The following CSMD1 variants were observed in gnomAD, a reference collection of about 807,000 sequenced individuals.
CSMD1 encodes the protein CUB and Sushi multiple domains 1, also known as CUB and sushi domain-containing protein 1.
In CSMD1, 213 loss-of-function variants were observed where a neutral mutation model predicts 417.5. The observed-to-expected ratio is 0.51, with a 90% CI of 0.46 to 0.57. The LOEUF (loss-of-function observed/expected upper bound fraction) is 0.57, where lower values mean the gene tolerates loss of function less well. CSMD1 is among the 20% of genes least tolerant of loss of function. The probability of loss-of-function intolerance (pLI) is 0.00; values close to 1 mark genes in which losing one functional copy is unlikely to be tolerated. For synonymous variants in CSMD1, 2,862 were observed against 1,736.8 expected (o/e 1.65, Z -16.11); for missense variants, 6,923 against 4,529.7 (o/e 1.53, Z -15.17).
At chr8:4,719,755 AC>A (rs767492975) in intron 1 of CSMD1, among the ~76,000 whole-genome samples, 54 of 152,196 alleles carry the variant, frequency 3.5e-4, no homozygotes, top group Non-Finnish European at 6.9e-4. Context: ...ATATGCACTT[AC>A]GATTTTCAAA....
intron 2 of CSMD1, among the ~76,000 whole-genome samples, chr8:4,461,177 CA>C (rs1395040992): frequency 7.5e-6 from 1 of 133,344 alleles, no homozygotes; most frequent in Admixed American, 7.6e-5. Flanking sequence ...TAAAAAGTGA[CA>C]AAATTCAACA....
chr8:3,798,331 T>C (rs1800273122), intron 5 of CSMD1, among the ~76,000 whole-genome samples: 1 of 152,044 alleles, frequency 6.6e-6, no homozygotes, highest in Non-Finnish European at 1.5e-5. Flanking sequence ...GACAACTCAG[T>C]ATATCTGATG....
At chr8:3,995,786 C>T (rs532494408) in intron 5 of CSMD1, among the ~76,000 whole-genome samples, 4 of 152,142 alleles carry the variant, frequency 2.6e-5, no homozygotes, top group Admixed American at 6.5e-5. Context: ...CAACTCTATC[C>T]CCGGCTAATC....
intron 3 of CSMD1, among the ~76,000 whole-genome samples, chr8:4,118,526 C>T (rs7838857): frequency 0.99 from 150,642 of 152,274 alleles, 74,539 homozygotes; most frequent in East Asian, 1. Flanking sequence ...GAAATGCAAA[C>T]CAAACCAAAA....
intron 3 of CSMD1, among the ~76,000 whole-genome samples, chr8:4,179,778 G>A (rs554824890): frequency 6.6e-6 from 1 of 152,026 alleles, no homozygotes; most frequent in East Asian, 1.9e-4. Context: ...AATATGAACA[G>A]ACACTTCTCA....
At chr8:4,698,698 G>C (rs1472705800) in intron 1 of CSMD1, among the ~76,000 whole-genome samples, 1 of 150,980 alleles carries the variant, frequency 6.6e-6, no homozygotes, top group East Asian at 2.0e-4. Context: ...CCTCTGTACG[G>C]GGGAGCATTT....
chr8:4,363,918 G>A (rs962608673), intron 3 of CSMD1, among the ~76,000 whole-genome samples: 5 of 152,184 alleles, frequency 3.3e-5, no homozygotes, highest in African/African-American at 4.8e-5. Flanking sequence ...TGTAGGGCAG[G>A]GGGGAGATGA....
chr8:3,194,696 C>T (rs935805832), intron 33 of CSMD1, among the ~76,000 whole-genome samples: 2 of 151,690 alleles, frequency 1.3e-5, no homozygotes, highest in East Asian at 1.9e-4. Context: ...TCTCAAACTC[C>T]TGAGCTCAGA....
intron 3 of CSMD1, among the ~76,000 whole-genome samples, chr8:4,242,503 A>G (rs1190863920): frequency 1.3e-5 from 2 of 152,244 alleles, no homozygotes; most frequent in African/African-American, 4.8e-5. Context: ...CAATTTTCAT[A>G]TTTATTAAGT....
chr8:4,156,551 C>G (rs1031632397), intron 3 of CSMD1, among the ~76,000 whole-genome samples: 3 of 151,980 alleles, frequency 2.0e-5, no homozygotes, highest in Non-Finnish European at 4.4e-5. Context: ...AATTCAAATT[C>G]TAAAAGATCA....
chr8:4,835,161 G>A (rs781495660), intron 1 of CSMD1, among the ~76,000 whole-genome samples: 1 of 151,918 alleles, frequency 6.6e-6, no homozygotes, highest in Non-Finnish European at 1.5e-5. Flanking sequence ...ATGGACCCGA[G>A]AAGGTTGGAA....
intron 3 of CSMD1, among the ~76,000 whole-genome samples, chr8:4,104,269 A>C (rs1261242833): frequency 6.6e-6 from 1 of 152,230 alleles, no homozygotes. Flanking sequence ...ATCTCACTCC[A>C]TCTTTTCTTT....
chr8:3,369,205 C>G (rs1326410615), intron 19 of CSMD1, 49 bp downstream of exon 19: 1 of 896,104 alleles, frequency 1.1e-6, no homozygotes, highest in Admixed American at 2.1e-5. Flanking sequence ...TCCCGTTTTT[C>G]TGTCTCATTT....
chr8:3,982,660 A>T (rs1813971803), intron 5 of CSMD1, among the ~76,000 whole-genome samples: 1 of 151,972 alleles, frequency 6.6e-6, no homozygotes, highest in Non-Finnish European at 1.5e-5. Flanking sequence ...AAGATAGGGC[A>T]GATCTGAGAC....
chr8:3,487,436 C>T (rs1451009492), intron 11 of CSMD1, among the ~76,000 whole-genome samples: 6 of 152,088 alleles, frequency 3.9e-5, no homozygotes, highest in African/African-American at 7.2e-5. Flanking sequence ...CTCCTGACCT[C>T]GTGATCTGCC....
At chr8:4,571,605 G>T (rs529469259) in intron 2 of CSMD1, among the ~76,000 whole-genome samples, 36 of 152,304 alleles carry the variant, frequency 2.4e-4, no homozygotes, top group African/African-American at 8.4e-4. Context: ...GTGCTGAGAA[G>T]AATGTGAACT....
Position 4,070,396 on chromosome 8 carries a change from C to T in CSMD1, c.416-38297G>A, listed in dbSNP as rs1035567443. ...GTTTTGAGACAGAGTCTCGCTGTGTCGCCCAGGCTGGAGTGCAGTGGTGGG... is the reference window on the plus strand; with the variant it reads ...GTTTTGAGACAGAGTCTCGCTGTGTTGCCCAGGCTGGAGTGCAGTGGTGGG... On this transcript the variant is annotated intron_variant, in intron 3 of 69. Coordinates refer to ENST00000635120, the MANE Select transcript of CSMD1 (RefSeq NM_033225.6). 1.1e-4 allele frequency among the ~76,000 whole-genome samples: 16 copies of T among 152,088 alleles called. No individual in the cohort carries two copies. The South Asian group carries it at 1.5e-3, about 14-fold the overall frequency.
At chr8:3,354,381 T>C (rs1026163582) in intron 21 of CSMD1, among the ~76,000 whole-genome samples, 1 of 152,170 alleles carries the variant, frequency 6.6e-6, no homozygotes, top group African/African-American at 2.4e-5. Flanking sequence ...TTGGGAAAAC[T>C]ATTAATATGC....
At chr8:3,164,654 G>A (rs191930269) in intron 37 of CSMD1, among the ~76,000 whole-genome samples, 95 of 152,056 alleles carry the variant, frequency 6.2e-4, no homozygotes, top group African/African-American at 2.2e-3. Context: ...AACTACAGTC[G>A]GGAATACTAA....
Sources: gnomAD v4.1 joint callset for allele counts (sites outside exome capture counted in the v4.1 genomes callset) on GRCh38, gnomAD v4.1.1 for gene constraint, MANE v1.5 for transcripts, NCBI Gene and HGNC (gene_info 2026-07-23, HGNC 2026-07-21) for gene names.